ZPBP: variants seen among roughly 807,000 people sequenced by gnomAD.
ZPBP encodes zona pellucida binding protein.
In ZPBP, 26 loss-of-function variants were observed where a neutral mutation model predicts 44.8. That is an observed-to-expected ratio of 0.58 (90% confidence interval 0.43 to 0.81). The LOEUF is 0.81. ZPBP is among the 30% of genes least tolerant of loss of function. ZPBP has a pLI of 0.00. For missense variants in ZPBP, 409 were observed against 434.0 expected (o/e 0.94, Z 0.51); for synonymous variants, 174 against 153.2 (o/e 1.14, Z -1.00).
intron 7 of ZPBP, among the ~76,000 whole-genome samples, chr7:49,940,972 G>A (rs1052388431): frequency 7.9e-5 from 12 of 152,042 alleles, no homozygotes; most frequent in Admixed American, 5.2e-4. Flanking sequence ...TCTTAGAGAA[G>A]AAGATATCTA....
At chr7:50,055,018 T>C (rs1584131390) in intron 4 of ZPBP, among the ~76,000 whole-genome samples, 1 of 152,204 alleles carries the variant, frequency 6.6e-6, no homozygotes, top group Non-Finnish European at 1.5e-5. Flanking sequence ...TTCTCATCTA[T>C]TATAGCAAGG....
rs995305728 is a variant in ZPBP at position 50,057,922 on chromosome 7, A to G, written c.487+67T>C. On this transcript the variant is annotated intron_variant, in intron 4 of 7. Coordinates refer to ENST00000046087, the MANE Select transcript of ZPBP (RefSeq NM_007009.3). ...AACAAAGTCCCTTTAAGACAAGCCT[A>G]CTTAAACATATTTAAATGTTTAAAA... 12 of 1,415,912 alleles carry G rather than the reference A, an allele frequency of 8.5e-6. No homozygotes were observed. The East Asian group carries it at 2.8e-4, about 33-fold the overall frequency. 87.7% of individuals were successfully genotyped at this position (1,415,912 alleles called of 1,614,324 possible).
At chr7:49,932,270 A>T (rs922583939) in intron 1 of ZPBP, among the ~76,000 whole-genome samples, 1 of 152,178 alleles carries the variant, frequency 6.6e-6, no homozygotes, top group Non-Finnish European at 1.5e-5. Flanking sequence ...TGCACCATGC[A>T]CCTGGAAAAG....
chr7:49,879,101 C>A (rs1791566113), intron 2 of ZPBP, among the ~76,000 whole-genome samples: 1 of 152,150 alleles, frequency 6.6e-6, no homozygotes, highest in Non-Finnish European at 1.5e-5. Flanking sequence ...TCAAAGGTCT[C>A]TGCTTTTTCT....
intron 1 of ZPBP, 41 bp downstream of exon 1, chr7:50,093,027 G>A (rs775129652): frequency 1.6e-5 from 26 of 1,578,484 alleles, no homozygotes; most frequent in Middle Eastern, 3.3e-4. Flanking sequence ...GGGAAGCTGC[G>A]GTTGTCCCTG....
chr7:49,995,717 TCAA>T (rs933080129), intron 6 of ZPBP, among the ~76,000 whole-genome samples: 2 of 152,210 alleles, frequency 1.3e-5, no homozygotes, highest in African/African-American at 4.8e-5. Context: ...CCTGTGATTT[TCAA>T]CAACATCAAT....
At chr7:50,029,747 T>G (rs1371933368) in intron 5 of ZPBP, among the ~76,000 whole-genome samples, 1 of 152,222 alleles carries the variant, frequency 6.6e-6, no homozygotes, top group African/African-American at 2.4e-5. Context: ...TTTGGAGAAA[T>G]GCAAATCAAG....
intron 6 of ZPBP, among the ~76,000 whole-genome samples, chr7:49,992,492 C>G (rs1247031240): frequency 2.0e-5 from 3 of 151,678 alleles, no homozygotes; most frequent in Non-Finnish European, 4.4e-5. Flanking sequence ...CAGATTAGAC[C>G]TAAATGTAGC....
intron 6 of ZPBP, among the ~76,000 whole-genome samples, chr7:49,987,630 G>C (rs915647263): frequency 1.3e-5 from 2 of 152,102 alleles, no homozygotes; most frequent in Non-Finnish European, 2.9e-5. Context: ...TAGCCTTAGA[G>C]AGTTCCATCC....
chr7:49,877,481 A>AAATATACATATATAT, intron 2 of ZPBP, among the ~76,000 whole-genome samples: 1 of 12,722 alleles, frequency 7.9e-5, no homozygotes, highest in African/African-American at 2.8e-4. Flanking sequence ...AAAAAAAAAA[A>AAATATACATATATAT]ATATATATAT....
At chr7:50,039,563 C>T (rs536391187) in intron 4 of ZPBP, among the ~76,000 whole-genome samples, 2 of 152,068 alleles carry the variant, frequency 1.3e-5, no homozygotes, top group Admixed American at 1.3e-4. Context: ...ATAAATTGGG[C>T]CTATAACACA....
intron 6 of ZPBP, among the ~76,000 whole-genome samples, chr7:49,998,074 C>T (rs1197208837): frequency 6.6e-6 from 1 of 152,054 alleles, no homozygotes; most frequent in Non-Finnish European, 1.5e-5. Flanking sequence ...CACGCCACCA[C>T]GCCCAGCTAA....
intron 2 of ZPBP, among the ~76,000 whole-genome samples, chr7:49,900,467 G>C (rs1328020704): frequency 2.0e-5 from 3 of 151,656 alleles, no homozygotes; most frequent in Non-Finnish European, 4.4e-5. Context: ...AGAAACAAAA[G>C]AGAGGACATC....
chr7:49,874,846 A>T (rs1236900963), intron 2 of ZPBP, among the ~76,000 whole-genome samples: 2 of 143,430 alleles, frequency 1.4e-5, no homozygotes, highest in Non-Finnish European at 3.1e-5. Context: ...CTCTTCCCTA[A>T]TTCAGAATTC....
chr7:49,907,168 G>T (rs778028061), intron 1 of ZPBP, among the ~76,000 whole-genome samples: 2 of 152,170 alleles, frequency 1.3e-5, no homozygotes, highest in Non-Finnish European at 2.9e-5. Context: ...AAAGAAAAAT[G>T]AGGAAATAAT....
chr7:49,854,848 A>G (rs1411927850), intron 2 of ZPBP, among the ~76,000 whole-genome samples: 2 of 152,228 alleles, frequency 1.3e-5, no homozygotes, highest in African/African-American at 2.4e-5. Flanking sequence ...CAACACCTGG[A>G]AGGGATGGCT....
At chr7:49,858,754 T>C (rs989936601) in intron 2 of ZPBP, among the ~76,000 whole-genome samples, 3 of 152,148 alleles carry the variant, frequency 2.0e-5, no homozygotes, top group African/African-American at 7.2e-5. Flanking sequence ...AATGCAAGAT[T>C]ATGCATTTAC....
At chr7:50,075,264 G>C (rs1802025620) in intron 3 of ZPBP, among the ~76,000 whole-genome samples, 1 of 151,732 alleles carries the variant, frequency 6.6e-6, no homozygotes, top group Admixed American at 6.6e-5. Flanking sequence ...ATGGGATACA[G>C]CAAAATCAGT....
intron 2 of ZPBP, among the ~76,000 whole-genome samples, chr7:49,888,536 G>GT (rs1791993920): frequency 6.6e-6 from 1 of 152,180 alleles, no homozygotes; most frequent in South Asian, 2.1e-4. Flanking sequence ...ACTGGCTTCA[G>GT]TATCTGAGAT....
Sources: allele counts gnomAD v4.1 joint callset (sites outside exome capture counted in the v4.1 genomes callset), GRCh38; gene constraint gnomAD v4.1.1; transcripts MANE v1.5; gene names NCBI Gene and HGNC (gene_info 2026-07-23, HGNC 2026-07-21).